The following ATF7IP variants were observed in gnomAD, a reference collection of about 807,000 sequenced individuals.
ATF7IP encodes activating transcription factor 7 interacting protein, also known as activating transcription factor 7-interacting protein 1.
A neutral mutation model predicts 106.4 loss-of-function variants in ATF7IP; 23 were observed. The observed-to-expected ratio is 0.22, with a 90% CI of 0.16 to 0.31. The LOEUF (loss-of-function observed/expected upper bound fraction) is 0.31. Ranked by LOEUF, ATF7IP falls within the 10% of genes least tolerant of loss-of-function variation. ATF7IP has a pLI of 1.00. For synonymous variants in ATF7IP, 542 were observed against 539.0 expected, an observed-to-expected ratio of 1.01 and a Z score of -0.08; for missense variants, 1,334 against 1,524.3, an observed-to-expected ratio of 0.88 and a Z score of 2.08.
chr12:14,373,945 T>C (rs1938625838), intron 1 of ATF7IP, among the ~76,000 whole-genome samples: 1 of 152,100 alleles, frequency 6.6e-6, no homozygotes, highest in Admixed American at 6.5e-5. Flanking sequence ...TTTTGAACTT[T>C]ACAGGTTAAC....
intron 8 of ATF7IP, among the ~76,000 whole-genome samples, chr12:14,460,096 A>G (rs1454591414): frequency 6.6e-6 from 1 of 152,200 alleles, no homozygotes; most frequent in Non-Finnish European, 1.5e-5. Flanking sequence ...TTGAGTTTAT[A>G]TATTACTTGT....
chr12:14,428,710 CCTT>C (rs1421171981), intron 2 of ATF7IP, among the ~76,000 whole-genome samples: 1 of 152,140 alleles, frequency 6.6e-6, no homozygotes, highest in African/African-American at 2.4e-5. Context: ...AATAGCATAA[CCTT>C]CTGTCATTTC....
At chr12:14,371,316 T>G (rs1319898218) in intron 1 of ATF7IP, among the ~76,000 whole-genome samples, 1 of 152,102 alleles carries the variant, frequency 6.6e-6, no homozygotes, top group Non-Finnish European at 1.5e-5. Context: ...AAAATAAATC[T>G]AGAAAATGGA....
At chr12:14,410,206 G>T (rs1940835720) in intron 1 of ATF7IP, among the ~76,000 whole-genome samples, 1 of 152,220 alleles carries the variant, frequency 6.6e-6, no homozygotes. Context: ...GTTTTCTGTG[G>T]TTTTAGCTGT....
intron 1 of ATF7IP, among the ~76,000 whole-genome samples, chr12:14,383,596 T>C (rs1162649038): frequency 6.6e-6 from 1 of 152,188 alleles, no homozygotes; most frequent in Non-Finnish European, 1.5e-5. Flanking sequence ...CTCTGTTGAC[T>C]AGGCTGGATG....
chr12:14,467,520 CTA>C (rs1344666602), intron 10 of ATF7IP, among the ~76,000 whole-genome samples: 3 of 152,074 alleles, frequency 2.0e-5, no homozygotes, highest in Admixed American at 6.5e-5. Context: ...TGGGTTATAA[CTA>C]TGTTTTCAAT....
At chr12:14,383,317 G>A (rs916660854) in intron 1 of ATF7IP, among the ~76,000 whole-genome samples, 1 of 152,154 alleles carries the variant, frequency 6.6e-6, no homozygotes, top group Non-Finnish European at 1.5e-5. Context: ...AGAGAAGGGA[G>A]GCTTGAAGAA....
intron 2 of ATF7IP, among the ~76,000 whole-genome samples, chr12:14,433,615 A>G (rs1202020633): frequency 2.0e-5 from 3 of 151,818 alleles, no homozygotes; most frequent in Non-Finnish European, 4.4e-5. Context: ...GGTTGCAGTG[A>G]GACGAGATCG....
intron 13 of ATF7IP, among the ~76,000 whole-genome samples, chr12:14,492,955 G>A (rs1944878320): frequency 6.6e-6 from 1 of 152,138 alleles, no homozygotes; most frequent in Non-Finnish European, 1.5e-5. Context: ...GACCCTCGCA[G>A]CTGGGATGAC....
At chr12:14,464,279 C>T (rs553791316) in intron 9 of ATF7IP, among the ~76,000 whole-genome samples, 137 of 152,154 alleles carry the variant, frequency 9.0e-4, no homozygotes, top group Non-Finnish European at 1.7e-3. Flanking sequence ...GAGCCATGGT[C>T]GTGCCACTGC....
chr12:14,491,896 G>C (rs1000584024), intron 13 of ATF7IP, among the ~76,000 whole-genome samples: 2 of 152,190 alleles, frequency 1.3e-5, no homozygotes, highest in African/African-American at 4.8e-5. Flanking sequence ...TAGGCCACAT[G>C]GGAGAATTGA....
chr12:14,382,201 AAAAC>A (rs1421024509), intron 1 of ATF7IP, among the ~76,000 whole-genome samples: 1 of 152,184 alleles, frequency 6.6e-6, no homozygotes, highest in Non-Finnish European at 1.5e-5. Flanking sequence ...AATAAACGAA[AAAAC>A]AAAAAGACTT....
chr12:14,469,038 A>G (rs139958196), intron 10 of ATF7IP, among the ~76,000 whole-genome samples: 20 of 152,284 alleles, frequency 1.3e-4, no homozygotes, highest in African/African-American at 4.8e-4. Context: ...ACTTAGTTGT[A>G]CTTGTTAACA....
chr12:14,437,781 C>T (rs1228838211), intron 4 of ATF7IP, among the ~76,000 whole-genome samples: 4 of 152,102 alleles, frequency 2.6e-5, no homozygotes, highest in African/African-American at 4.8e-5. Context: ...TGGCCGGGCG[C>T]GGTGGCTCAC....
Position 14,424,730 on chromosome 12 carries a change from G to C in ATF7IP, c.815G>C (p.Gly272Ala). 6.2e-7 allele frequency: 1 copy of C among 1,614,114 alleles called. No individual in the cohort carries two copies. Among genetic ancestry groups the C allele is most frequent in the South Asian group, 1.1e-5 (1 of 91,084 alleles). ...SELASDDLAT[G>A]ELASDELTSE... is the part of the protein sequence containing the mutation. ...CTGGCCTCTGATGATCTGGCCACTG[G>C]TGAACTGGCCTCTGATGAGCTGACT... The change falls in exon 2 of 15, where the codon GGT becomes GCT. Residue 272 changes from glycine (G) to alanine (A), a missense_variant. Around this residue, in one of 10 missense-constraint regions of ATF7IP, gnomAD observed 438 missense variants for 405.3 expected, o/e 1.08. Transcript: ENST00000261168.
chr12:14,487,635 T>C (rs1222338744), intron 13 of ATF7IP, among the ~76,000 whole-genome samples: 2 of 152,200 alleles, frequency 1.3e-5, no homozygotes, highest in African/African-American at 4.8e-5. Context: ...GTCTGGTACA[T>C]GCCTCTTTTG....
intron 9 of ATF7IP, among the ~76,000 whole-genome samples, chr12:14,461,816 G>A (rs1943649612): frequency 6.6e-6 from 1 of 152,102 alleles, no homozygotes; most frequent in South Asian, 2.1e-4. Flanking sequence ...CTTCATTTCT[G>A]ACTTCACATT....
At chr12:14,387,137 T>C (rs1447823196) in intron 1 of ATF7IP, among the ~76,000 whole-genome samples, 2 of 152,328 alleles carry the variant, frequency 1.3e-5, no homozygotes, top group Non-Finnish European at 2.9e-5. Flanking sequence ...GACTGTCTTA[T>C]ATGACATAGT....
At chr12:14,475,404 T>C (rs755454257) in intron 10 of ATF7IP, among the ~76,000 whole-genome samples, 1 of 152,238 alleles carries the variant, frequency 6.6e-6, no homozygotes, top group Non-Finnish European at 1.5e-5. Context: ...GATGGGTTAC[T>C]GGTCAGCTTG....
Sources: allele counts gnomAD v4.1 joint callset (sites outside exome capture counted in the v4.1 genomes callset), GRCh38; gene constraint gnomAD v4.1.1; regional missense constraint gnomAD v4.1.1; transcripts MANE v1.5; gene names NCBI Gene and HGNC (gene_info 2026-07-23, HGNC 2026-07-21).